PCNT: variants seen among roughly 807,000 people sequenced by gnomAD.
PCNT encodes kendrin.
PCNT carries 319 observed loss-of-function variants against 380.4 expected under a neutral mutation model. That is an observed-to-expected ratio of 0.84 (90% CI 0.77 to 0.92). The LOEUF (loss-of-function observed/expected upper bound fraction) is 0.92. PCNT is among the 40% of genes least tolerant of loss of function. The pLI, the probability that PCNT is intolerant of heterozygous loss-of-function variation, is 0.00. For missense variants in PCNT, 4,400 were observed against 4,255.3 expected (o/e 1.03, Z -0.95); for synonymous variants, 1,845 against 1,735.2 (o/e 1.06, Z -1.57).
In PCNT at chr21:46,443,821, C is replaced by A; in HGVS notation, c.9712C>A (p.Arg3238=). The A allele has an allele frequency of 3.7e-6, 6 of 1,613,744 alleles. No individual in the cohort carries two copies. Among genetic ancestry groups the A allele is most frequent in the Non-Finnish European group, 5.1e-6 (6 of 1,180,010 alleles). Residue 3238 remains arginine, a synonymous_variant, in exon 45 of 47, where the codon CGA becomes AGA. Coordinates refer to ENST00000359568, the MANE Select transcript of PCNT (RefSeq NM_006031.6). ...TAATTCTGGGGAAGGGCCCCGAGCACGACAGCCGCAGTCTCCACCCAGAAC... is the reference window on the plus strand; with the variant it reads ...TAATTCTGGGGAAGGGCCCCGAGCAAGACAGCCGCAGTCTCCACCCAGAAC... ...GKAPRPGPRA[R]QPQSPPRTRE...
intron 8 of PCNT, 146 bp downstream of exon 8, chr21:46,349,966 GTAACTC>G (rs1310004008): frequency 2.4e-6 from 2 of 846,942 alleles, no homozygotes; most frequent in African/African-American, 3.4e-5. Flanking sequence ...GTTCACGCCT[GTAACTC>G]TATCACTTTG....
intron 21 of PCNT, among the ~76,000 whole-genome samples, chr21:46,396,400 T>C (rs529916410): frequency 6.6e-6 from 1 of 152,288 alleles, no homozygotes; most frequent in African/African-American, 2.4e-5. Context: ...GAGGGCTGGA[T>C]CATCCTGGGG....
In PCNT at chr21:46,385,971, C is replaced by A. The variant is rs199924001; in HGVS notation, c.3452C>A (p.Ser1151Tyr). The change falls in exon 17 of 47, where the codon TCC becomes TAC. Residue 1151 changes from serine to tyrosine, a missense_variant. Transcript: ENST00000359568. Reference sequence around the variant, plus strand: ...ATGCTCAAGGCCGACGTCAACCTGTCCCACAGCGAAAGGTCAGTGTGTCCT... The same window carrying A: ...ATGCTCAAGGCCGACGTCAACCTGTACCACAGCGAAAGGTCAGTGTGTCCT... Reference protein sequence around the residue: ...LSMLKADVNLSHSERGALQDA... With the variant: ...LSMLKADVNLYHSERGALQDA... 7 of 1,614,166 alleles carry A rather than the reference C, an allele frequency of 4.3e-6. No homozygotes were observed. In the Admixed American group the frequency reaches 5.0e-5, roughly 12 times the overall value.
At position 46,444,767 on chromosome 21, in the gene PCNT, G is replaced by C. The variant is rs753742732; in HGVS notation, c.9913G>C (p.Glu3305Gln). The part of the protein sequence containing the change: ...ASQDPEHSLT[E>Q]YIHHLEVIQQ... ...TCAAGATCCAGAACATTCCTTGACA[G>C]AGTATATTCACCATTTAGAAGTGAT... The change falls in exon 46 of 47, where the codon GAG (glutamate) becomes CAG (glutamine). Residue 3305 changes from glutamate to glutamine, a missense_variant. Physicochemically the swap from Glu to Gln is conservative, Grantham distance 29. Coordinates refer to ENST00000359568, the MANE Select transcript of PCNT (RefSeq NM_006031.6). The C allele has an allele frequency of 6.2e-7, 1 of 1,612,926 alleles. No homozygotes were observed. The highest frequency in any genetic ancestry group is 8.5e-7 in the Non-Finnish European group (1 of 1,179,176).
chr21:46,435,506 G>A (rs540863335), intron 38 of PCNT, among the ~76,000 whole-genome samples: 39 of 151,146 alleles, frequency 2.6e-4, no homozygotes, highest in Admixed American at 7.9e-4. Context: ...GATTACAGGC[G>A]TGAGCCACCA....
intron 34 of PCNT, 111 bp downstream of exon 34, chr21:46,427,906 G>A (rs1212693591): frequency 4.1e-6 from 5 of 1,217,288 alleles, no homozygotes; most frequent in East Asian, 2.5e-5. Context: ...TGTTTCTCTC[G>A]ACCGCTGGAA....
chr21:46,387,676 C>T lies in PCNT; in HGVS notation c.3465-1066C>T, dbSNP rs552251043. ...TATTTGCCCAGAATCTTCGGTTTCG[C>T]GGGGCCTGCACGACACTGCCTCCCG... On this transcript the variant is annotated intron_variant, in intron 17 of 46. Transcript: ENST00000359568. Among the ~76,000 whole-genome samples the T allele has an allele frequency of 1.1e-3, 168 of 152,228 alleles. 2 individuals carry two copies. The highest frequency in any genetic ancestry group is 3.7e-3 in the African/African-American group (153 of 41,530).
rs764722271 is a variant in PCNT, at chr21:46,422,007, G to A, written c.7062G>A (p.Gly2354=). 8 of 1,614,106 alleles carry A rather than the reference G, an allele frequency of 5.0e-6. No homozygotes were observed. In the East Asian group the frequency reaches 1.6e-4, roughly 31 times the overall value. ...GSGFGARLSP[G]SGGPEAQTAG... ...GTTTTGGAGCAAGACTGAGCCCGGG[G>A]TCAGGAGGCCCTGAGGCTCAAACTG... is the stretch of plus-strand genomic sequence containing the variant. The change falls in exon 32 of 47, where the codon GGG becomes GGA. Residue 2354 remains glycine (G), a synonymous_variant. Transcript: ENST00000359568.
intron 12 of PCNT, among the ~76,000 whole-genome samples, chr21:46,356,235 G>A (rs1291233616): frequency 6.6e-6 from 1 of 152,242 alleles, no homozygotes; most frequent in African/African-American, 2.4e-5. Flanking sequence ...GTGAGGGGCT[G>A]AGGCCGCGGG....
chr21:46,406,005 A>G (rs1371482752), intron 27 of PCNT, among the ~76,000 whole-genome samples: 6 of 152,238 alleles, frequency 3.9e-5, no homozygotes, highest in Non-Finnish European at 7.3e-5. Context: ...ATAATAAAGA[A>G]AAGTAAAATT....
chr21:46,349,313 C>G, intron 7 of PCNT, 127 bp downstream of exon 7: 1 of 850,350 alleles, frequency 1.2e-6, no homozygotes. Flanking sequence ...TGGATGGCCC[C>G]ATGCACGTGT....
At chr21:46,327,559 C>T (rs781161181) in intron 2 of PCNT, among the ~76,000 whole-genome samples, 20 of 152,220 alleles carry the variant, frequency 1.3e-4, no homozygotes, top group Non-Finnish European at 2.5e-4. Flanking sequence ...AGCCACTGCG[C>T]CTGGCCCTGT....
Position 46,432,991 on chromosome 21 carries a change from T to C in PCNT, c.8751+776T>C, listed in dbSNP as rs145536354. Among the ~76,000 whole-genome samples the C allele has an allele frequency of 2.6e-3, 392 of 152,284 alleles. 5 individuals carry two copies. The highest frequency in any genetic ancestry group is 8.7e-3 in the African/African-American group (360 of 41,550). ...TTTCAAAATATAAGTTTTATACTTT[T>C]GTTAAATTTATTTACTTATTTATTT... On this transcript the variant is annotated intron_variant, in intron 38 of 46. Transcript: ENST00000359568.
chr21:46,411,606 A>G lies in PCNT; in HGVS notation c.5533A>G (p.Arg1845Gly). Reference sequence around the variant, plus strand: ...TGAGCTGGAGCGCAATGTAGCCCTCAGGGAGGCTGAGGTCGAAGACATGGC... The same window carrying G: ...TGAGCTGGAGCGCAATGTAGCCCTCGGGGAGGCTGAGGTCGAAGACATGGC... ...LAELERNVALREAEVEDMASR... is the reference protein window; with the variant it reads ...LAELERNVALGEAEVEDMASR... Residue 1845 changes from arginine (R) to glycine (G), a missense_variant, in exon 28 of 47, where the codon AGG (arginine) becomes GGG (glycine). Arg to Gly is a moderately radical substitution (Grantham distance 125). Transcript: ENST00000359568. 1 of 1,612,714 alleles carries G rather than the reference A, an allele frequency of 6.2e-7. No homozygotes were observed. The highest frequency in any genetic ancestry group is 8.5e-7 in the Non-Finnish European group (1 of 1,179,684).
chr21:46,436,057 C>G lies in PCNT; in HGVS notation c.8905C>G (p.Arg2969Gly), dbSNP rs201154205. Residue 2969 changes from arginine to glycine, a missense_variant, in exon 39 of 47, where the codon CGG (arginine) becomes GGG (glycine). By Grantham distance (125) the Arg-to-Gly change is moderately radical. Transcript: ENST00000359568. ...RAAGSDADHL[R>G]EQQRELEAMR... ...TGCCGGCTCGGATGCGGACCACCTCCGGGAACAGCAGCGAGAGCTGGAGGC... is the reference window on the plus strand; with the variant it reads ...TGCCGGCTCGGATGCGGACCACCTCGGGGAACAGCAGCGAGAGCTGGAGGC... 1.2e-6 allele frequency: 2 copies of G among 1,613,482 alleles called. No individual in the cohort carries two copies. The highest frequency in any genetic ancestry group is 1.7e-6 in the Non-Finnish European group (2 of 1,179,972).
At position 46,422,055 on chromosome 21, in the gene PCNT, C is replaced by T. The variant is rs1387193284; in HGVS notation, c.7110C>T (p.Ser2370=). The T allele has an allele frequency of 1.2e-6, 2 of 1,614,012 alleles. No homozygotes were observed. Among genetic ancestry groups the T allele is most frequent in the African/African-American group, 1.3e-5 (1 of 75,050 alleles). ...AQTAGPVTPA[S]ISGRFQPLPE... ...CTGCTGGTCCTGTGACCCCTGCTTC[C>T]ATCTCTGGAAGGTTTCAGCCGCTGC... The change falls in exon 32 of 47, where the codon TCC becomes TCT. Residue 2370 remains serine (S), a synonymous_variant. Transcript: ENST00000359568.
At chr21:46,435,606 A>C (rs1438968329) in intron 38 of PCNT, among the ~76,000 whole-genome samples, 4 of 151,448 alleles carry the variant, frequency 2.6e-5, no homozygotes, top group Non-Finnish European at 5.9e-5. Flanking sequence ...GCAGTGGCGC[A>C]ATCTCGGCTC....
chr21:46,357,159 C>G lies in PCNT; in HGVS notation c.2122C>G (p.His708Asp). 6.2e-7 allele frequency: 1 copy of G among 1,613,384 alleles called. No individual in the cohort carries two copies. The highest frequency in any genetic ancestry group is 8.5e-7 in the Non-Finnish European group (1 of 1,179,310). The change falls in exon 13 of 47, where the codon CAT (histidine) becomes GAT (aspartate). Residue 708 changes from histidine to aspartate, a missense_variant. Coordinates refer to ENST00000359568, the MANE Select transcript of PCNT (RefSeq NM_006031.6). ...TAGAAATTTGTATGGGAAGTTGCAG[C>G]ATGAAACTCGTCTGAAGGACGATTT... Reference protein sequence around the residue: ...ENRNLYGKLQHETRLKDDLEK... With the variant: ...ENRNLYGKLQDETRLKDDLEK...
At chr21:46,337,778 C>T (rs963541905) in intron 3 of PCNT, among the ~76,000 whole-genome samples, 1 of 151,574 alleles carries the variant, frequency 6.6e-6, no homozygotes, top group African/African-American at 2.4e-5. Flanking sequence ...GATGGGGTTT[C>T]ACCATGTTGG....
Sources: allele counts gnomAD v4.1 joint callset (sites outside exome capture counted in the v4.1 genomes callset), GRCh38; gene constraint gnomAD v4.1.1; transcripts MANE v1.5; gene names NCBI Gene and HGNC (gene_info 2026-07-23, HGNC 2026-07-21).